The following ATRNL1 variants were observed in gnomAD, a reference collection of about 807,000 sequenced individuals.
ATRNL1 encodes attractin-like protein 1.
Under a neutral mutation model 182.7 loss-of-function variants are expected in ATRNL1, and 95 were observed. The ratio of observed to expected loss-of-function variants is 0.52; its 90% CI spans 0.44 to 0.62. The LOEUF is 0.62. ATRNL1 is among the 20% of genes least tolerant of loss of function. The pLI is 0.00. For synonymous variants in ATRNL1, 576 were observed against 568.3 expected (o/e 1.01, Z -0.19); for missense variants, 1,471 against 1,679.5 (o/e 0.88, Z 2.17).
At chr10:115,582,854 T>A (rs1458800730) in intron 26 of ATRNL1, among the ~76,000 whole-genome samples, 1 of 151,374 alleles carries the variant, frequency 6.6e-6, no homozygotes, top group Non-Finnish European at 1.5e-5. Flanking sequence ...GCCTAGGTTT[T>A]CTTCTAGAGT....
intron 27 of ATRNL1, among the ~76,000 whole-genome samples, chr10:115,752,690 G>A (rs1321767128): frequency 6.6e-6 from 1 of 152,028 alleles, no homozygotes; most frequent in Admixed American, 6.6e-5. Context: ...AGCCTCTATA[G>A]CGCTTGTAGT....
rs117790631 is a variant in ATRNL1, at chr10:115,390,565, A to G, written c.3176-4094A>G. On this transcript the variant is annotated intron_variant, in intron 19 of 28. Coordinates refer to ENST00000355044, the MANE Select transcript of ATRNL1 (RefSeq NM_207303.4). ...GTTTCTTTTTCTTTATGTTGGCACT[A>G]TGCTGTTTTGTTTAATATAGGTTTG... Among the ~76,000 whole-genome samples the G allele has an allele frequency of 6.9e-3, 1,051 of 152,172 alleles. 6 individuals are homozygous for G. Among genetic ancestry groups the G allele is most frequent in the Non-Finnish European group, 0.012 (833 of 67,996 alleles).
chr10:115,913,066 A>G (rs537337315), intron 28 of ATRNL1, among the ~76,000 whole-genome samples: 4 of 152,362 alleles, frequency 2.6e-5, no homozygotes, highest in Admixed American at 2.0e-4. Flanking sequence ...TGCTGGTAGC[A>G]TAGAATGCAG....
intron 19 of ATRNL1, among the ~76,000 whole-genome samples, chr10:115,337,860 G>C (rs1554937195): frequency 6.6e-6 from 1 of 151,842 alleles, no homozygotes. Flanking sequence ...TTCCACGGAT[G>C]GGGTGGTGGT....
At chr10:115,643,947 T>C (rs1384161066) in intron 26 of ATRNL1, among the ~76,000 whole-genome samples, 1 of 152,194 alleles carries the variant, frequency 6.6e-6, no homozygotes, top group East Asian at 1.9e-4. Flanking sequence ...ACCAATGACA[T>C]AATCTCATTT....
intron 26 of ATRNL1, among the ~76,000 whole-genome samples, chr10:115,682,216 C>CCTTT (rs1233732814): frequency 1.4e-5 from 2 of 143,278 alleles, no homozygotes; most frequent in African/African-American, 4.9e-5. Flanking sequence ...GGATCCTGTG[C>CCTTT]CTTTGTTTCC....
chr10:115,686,907 A>G (rs1188572815), intron 26 of ATRNL1, among the ~76,000 whole-genome samples: 2 of 152,054 alleles, frequency 1.3e-5, no homozygotes, highest in East Asian at 1.9e-4. Flanking sequence ...AAAACTCTGC[A>G]TATTTAACGT....
intron 26 of ATRNL1, among the ~76,000 whole-genome samples, chr10:115,701,572 C>T (rs1946737309): frequency 6.6e-6 from 1 of 151,820 alleles, no homozygotes; most frequent in South Asian, 2.1e-4. Context: ...AGCAAACAAA[C>T]TGAAGAAGAT....
intron 26 of ATRNL1, among the ~76,000 whole-genome samples, chr10:115,553,399 T>C (rs1467044636): frequency 6.6e-6 from 1 of 151,388 alleles, no homozygotes; most frequent in Non-Finnish European, 1.5e-5. Flanking sequence ...CCATTTTTAA[T>C]TCTTGTAAAT....
intron 7 of ATRNL1, 101 bp downstream of exon 7, chr10:115,165,746 A>C: frequency 1.9e-6 from 1 of 526,500 alleles, no homozygotes; most frequent in East Asian, 3.1e-5. Context: ...ATATTTAATG[A>C]GAACAATAGA....
At chr10:115,527,832 TCCTCCCTC>T (rs1208052664) in intron 25 of ATRNL1, among the ~76,000 whole-genome samples, 1 of 100,036 alleles carries the variant, frequency 1.0e-5, no homozygotes, top group East Asian at 3.5e-4. Context: ...CTTCCTCCCT[TCCTCCCTC>T]CCTCCTTCCT....
rs1555042146 is a variant in ATRNL1 at position 115,673,806 on chromosome 10, CATTGGA to C, written c.3796-53439_3796-53434del. 8.5e-5 allele frequency among the ~76,000 whole-genome samples: 13 copies of C among 152,100 alleles called. 1 individual carries two copies. Among genetic ancestry groups the C allele is most frequent in the Middle Eastern group, 3.4e-3 (1 of 294 alleles). ...CTGACCTTACCAACTCATTTATAAC[CATTGGA>C]ATGGAAAAGAATTCATGTGTGTTCC... On this transcript the variant is annotated intron_variant, in intron 26 of 28. Transcript: ENST00000355044.
intron 25 of ATRNL1, among the ~76,000 whole-genome samples, chr10:115,538,101 C>T (rs1440532452): frequency 1.3e-5 from 2 of 152,172 alleles, no homozygotes; most frequent in Non-Finnish European, 2.9e-5. Flanking sequence ...TCCATTCACC[C>T]ATTGAGAGAT....
At chr10:115,341,679 A>G (rs1554938375) in intron 19 of ATRNL1, among the ~76,000 whole-genome samples, 1 of 152,140 alleles carries the variant, frequency 6.6e-6, no homozygotes, top group Non-Finnish European at 1.5e-5. Context: ...TTTGCTTTAT[A>G]TATCTAGATG....
At chr10:115,613,587 T>C (rs1363883082) in intron 26 of ATRNL1, among the ~76,000 whole-genome samples, 5 of 152,166 alleles carry the variant, frequency 3.3e-5, no homozygotes, top group African/African-American at 1.2e-4. Flanking sequence ...TTGGAATAAT[T>C]AGAGAAGAAT....
At chr10:115,343,948 A>G (rs964477622) in intron 19 of ATRNL1, among the ~76,000 whole-genome samples, 1 of 152,158 alleles carries the variant, frequency 6.6e-6, no homozygotes, top group Non-Finnish European at 1.5e-5. Context: ...GGCAGAGACT[A>G]TTGTTCTCTT....
chr10:115,545,234 C>CAAAAAAAAAAAAAAAAAA (rs71010026), intron 25 of ATRNL1, among the ~76,000 whole-genome samples: 1 of 94,860 alleles, frequency 1.1e-5, no homozygotes, highest in East Asian at 4.1e-4. Context: ...GACTCCGTAT[C>CAAAAAAAAAAAAAAAAAA]AAAAAAAAAA....
chr10:115,312,501 T>C (rs1344923130), intron 17 of ATRNL1, among the ~76,000 whole-genome samples: 1 of 152,302 alleles, frequency 6.6e-6, no homozygotes, highest in Non-Finnish European at 1.5e-5. Context: ...TTTTTCTTTA[T>C]AGATTATCTG....
chr10:115,151,318 A>T (rs1554880521), intron 5 of ATRNL1, among the ~76,000 whole-genome samples: 1 of 152,178 alleles, frequency 6.6e-6, no homozygotes, highest in Non-Finnish European at 1.5e-5. Flanking sequence ...CAATGGTTGA[A>T]CTAGTTTACA....
Sources: gnomAD v4.1 joint callset for allele counts (sites outside exome capture counted in the v4.1 genomes callset) on GRCh38, gnomAD v4.1.1 for gene constraint, MANE v1.5 for transcripts, NCBI Gene and HGNC (gene_info 2026-07-23, HGNC 2026-07-21) for gene names.